MAP2K1: variants seen among roughly 807,000 people sequenced by gnomAD.
The protein encoded by MAP2K1 is dual specificity mitogen-activated protein kinase kinase 1.
Under a neutral mutation model 46.3 loss-of-function variants are expected in MAP2K1, and 16 were observed. That is an observed-to-expected ratio of 0.35 (90% CI 0.23 to 0.52). The LOEUF (loss-of-function observed/expected upper bound fraction) is 0.52, where lower values mean the gene tolerates loss of function less well. MAP2K1 is among the 20% of genes least tolerant of loss of function. The pLI, the probability that MAP2K1 is intolerant of heterozygous loss-of-function variation, is 0.94. For synonymous variants in MAP2K1, 183 were observed against 185.6 expected (o/e 0.99, Z 0.11); for missense variants, 263 against 497.1 (o/e 0.53, Z 4.48).
chr15:66,437,344 A>G (rs1020524061), intron 3 of MAP2K1, among the ~76,000 whole-genome samples: 1 of 152,198 alleles, frequency 6.6e-6, no homozygotes, highest in Non-Finnish European at 1.5e-5. Context: ...GGAGAGGGCA[A>G]TGGAGAGAGA....
At chr15:66,484,559 A>G (rs1057079191) in intron 6 of MAP2K1, among the ~76,000 whole-genome samples, 4 of 152,234 alleles carry the variant, frequency 2.6e-5, no homozygotes, top group South Asian at 2.1e-4. Flanking sequence ...CTTTTGTTCT[A>G]TGTATCCACG....
Position 66,398,447 on chromosome 15 carries a change from A to G in MAP2K1, c.80+11020A>G, listed in dbSNP as rs557422155. Among the ~76,000 whole-genome samples, 9 of 151,508 alleles carry G rather than the reference A, an allele frequency of 5.9e-5. No individual in the cohort carries two copies. In the South Asian group the frequency reaches 1.7e-3, roughly 28 times the overall value. On this transcript the variant is annotated intron_variant, in intron 1 of 10. Transcript: ENST00000307102. ...GGTGATATCAAGGGAAAAAAAGGAG[A>G]GTGGTGCTGTTCTAGGATAGGAGAC...
At chr15:66,462,496 C>CAAAAAA (rs551065737) in intron 5 of MAP2K1, among the ~76,000 whole-genome samples, 2 of 72,898 alleles carry the variant, frequency 2.7e-5, no homozygotes, top group African/African-American at 4.8e-5. Context: ...GACTCTGTCT[C>CAAAAAA]AAAAAAAAAA....
intron 5 of MAP2K1, among the ~76,000 whole-genome samples, chr15:66,481,451 A>G (rs1248097790): frequency 1.3e-5 from 2 of 152,208 alleles, no homozygotes; most frequent in African/African-American, 4.8e-5. Context: ...CTGACTGTTC[A>G]TGATAACGGA....
intron 5 of MAP2K1, among the ~76,000 whole-genome samples, chr15:66,478,075 C>T (rs1892800435): frequency 6.6e-6 from 1 of 151,768 alleles, no homozygotes; most frequent in South Asian, 2.1e-4. Context: ...TCGCCCCTCT[C>T]CTCCCGAAGT....
intron 1 of MAP2K1, among the ~76,000 whole-genome samples, chr15:66,426,021 T>C (rs1262499287): frequency 1.3e-5 from 2 of 152,168 alleles, no homozygotes; most frequent in Non-Finnish European, 2.9e-5. Flanking sequence ...CAATATTACA[T>C]GTACAAAAGG....
intron 6 of MAP2K1, 101 bp downstream of exon 6, chr15:66,481,980 GGACAAGAAGTGAGGGAGGA>G: frequency 7.0e-7 from 1 of 1,436,548 alleles, no homozygotes; most frequent in Non-Finnish European, 9.6e-7. Context: ...GCTGGGTAGG[GGACAAGAAGTGAGGGAGGA>G]GGCACAGTGC....
chr15:66,403,564 G>A (rs1270156824), intron 1 of MAP2K1, among the ~76,000 whole-genome samples: 1 of 152,072 alleles, frequency 6.6e-6, no homozygotes, highest in Admixed American at 6.6e-5. Flanking sequence ...TTACCAGAAG[G>A]GTTCAGAATC....
At chr15:66,397,637 G>T (rs1378807868) in intron 1 of MAP2K1, among the ~76,000 whole-genome samples, 1 of 152,124 alleles carries the variant, frequency 6.6e-6, no homozygotes. Context: ...TATTTCATAC[G>T]CTGCTTGTCC....
intron 5 of MAP2K1, among the ~76,000 whole-genome samples, chr15:66,468,072 C>T (rs964233199): frequency 1.3e-5 from 2 of 152,194 alleles, no homozygotes; most frequent in Non-Finnish European, 2.9e-5. Context: ...AAAGATTTTA[C>T]GTAAACTTGA....
intron 5 of MAP2K1, among the ~76,000 whole-genome samples, chr15:66,472,878 T>C (rs1014321496): frequency 3.9e-5 from 6 of 152,204 alleles, no homozygotes; most frequent in Non-Finnish European, 8.8e-5. Context: ...TACTAGAAAT[T>C]CTTTCCTACT....
intron 1 of MAP2K1, among the ~76,000 whole-genome samples, chr15:66,420,781 A>ATATACATATGTG (rs2093437617): frequency 2.6e-5 from 1 of 38,488 alleles, no homozygotes; most frequent in African/African-American, 7.1e-5. Context: ...ATATATGTGT[A>ATATACATATGTG]TATATATGTG....
chr15:66,444,921 A>T (rs1274993430), intron 5 of MAP2K1: 1 of 559,240 alleles, frequency 1.8e-6, no homozygotes, highest in East Asian at 3.1e-5. Context: ...GCTGTGATGG[A>T]CAATAGTCAT....
At chr15:66,416,937 T>G (rs918562327) in intron 1 of MAP2K1, among the ~76,000 whole-genome samples, 4 of 152,210 alleles carry the variant, frequency 2.6e-5, no homozygotes, top group Admixed American at 6.5e-5. Context: ...TTTCTCATTT[T>G]ATTTTGCAAC....
At chr15:66,452,845 G>A (rs1028170160) in intron 5 of MAP2K1, among the ~76,000 whole-genome samples, 1 of 152,140 alleles carries the variant, frequency 6.6e-6, no homozygotes, top group African/African-American at 2.4e-5. Context: ...CTTAGCTTTG[G>A]TTTCTATATG....
In MAP2K1 at chr15:66,484,981, C is replaced by T. The variant is rs768336682; in HGVS notation, c.694-9C>T. Reference sequence around the variant, plus strand: ...GTTAGGTGATTATCACTGTCTGTCTCTCCTGCAGCCAGAAAGACTCCAGGG... The same window carrying T: ...GTTAGGTGATTATCACTGTCTGTCTTTCCTGCAGCCAGAAAGACTCCAGGG... On this transcript the variant is annotated splice_polypyrimidine_tract_variant and intron_variant, in intron 6 of 10. Coordinates refer to ENST00000307102, the MANE Select transcript of MAP2K1 (RefSeq NM_002755.4). 4 of 1,611,338 alleles carry T rather than the reference C, an allele frequency of 2.5e-6. No homozygotes were observed. The Admixed American group carries it at 6.7e-5, about 27-fold the overall frequency.
intron 1 of MAP2K1, among the ~76,000 whole-genome samples, chr15:66,420,789 G>GTGTATATATATGTGTATATA (rs1567003098): frequency 5.6e-5 from 1 of 17,894 alleles, no homozygotes; most frequent in Non-Finnish European, 1.5e-4. Context: ...GTATATATAT[G>GTGTATATATATGTGTATATA]TGTGTATATA....
chr15:66,404,845 C>T (rs560585467), intron 1 of MAP2K1, among the ~76,000 whole-genome samples: 67 of 152,226 alleles, frequency 4.4e-4, no homozygotes, highest in South Asian at 4.1e-4. Context: ...CGGAGGCTTG[C>T]CCTCAGCTGA....
intron 1 of MAP2K1, among the ~76,000 whole-genome samples, chr15:66,425,605 C>T (rs773664526): frequency 2.7e-4 from 41 of 151,992 alleles, no homozygotes; most frequent in Middle Eastern, 3.2e-3. Flanking sequence ...TGGGGGATGG[C>T]GGGCAGTGGG....
Sources: allele counts gnomAD v4.1 joint callset (sites outside exome capture counted in the v4.1 genomes callset), GRCh38; gene constraint gnomAD v4.1.1; transcripts MANE v1.5; gene names NCBI Gene and HGNC (gene_info 2026-07-23, HGNC 2026-07-21).